NLGN1: variants seen among roughly 807,000 people sequenced by gnomAD.
NLGN1 encodes the protein neuroligin 1, also known as neuroligin-1.
In NLGN1, 12 loss-of-function variants were observed where a neutral mutation model predicts 65.5. That is an observed-to-expected ratio of 0.18 (90% confidence interval 0.12 to 0.30). NLGN1 has a LOEUF of 0.30. Ranked by LOEUF, NLGN1 falls within the 10% of genes least tolerant of loss-of-function variation. The pLI, the probability that NLGN1 is intolerant of heterozygous loss-of-function variation, is 1.00. For missense variants in NLGN1, 750 were observed against 1,007.1 expected (o/e 0.74, Z 3.46); for synonymous variants, 350 against 359.5 (o/e 0.97, Z 0.30).
chr3:173,828,118 T>A (rs865895262), intron 4 of NLGN1, among the ~76,000 whole-genome samples: 1 of 152,166 alleles, frequency 6.6e-6, no homozygotes, highest in African/African-American at 2.4e-5. Context: ...GGATATTTTA[T>A]AATTTTCATA....
chr3:173,808,733 A>G (rs1214021922), intron 4 of NLGN1, among the ~76,000 whole-genome samples: 1 of 152,158 alleles, frequency 6.6e-6, no homozygotes, highest in Non-Finnish European at 1.5e-5. Context: ...CTTATCCCAT[A>G]CTATAGACTT....
intron 4 of NLGN1, among the ~76,000 whole-genome samples, chr3:173,841,474 G>T (rs1234288942): frequency 6.6e-6 from 1 of 152,112 alleles, no homozygotes; most frequent in Non-Finnish European, 1.5e-5. Flanking sequence ...ATTTGTGTTT[G>T]TTGATTTAAG....
intron 4 of NLGN1, among the ~76,000 whole-genome samples, chr3:173,888,910 A>G (rs998592778): frequency 4.6e-5 from 7 of 152,136 alleles, no homozygotes; most frequent in Non-Finnish European, 1.5e-5. Context: ...CAAGACATGC[A>G]CAAAGACAGA....
At chr3:173,732,507 G>A (rs763911643) in intron 3 of NLGN1, among the ~76,000 whole-genome samples, 2 of 152,102 alleles carry the variant, frequency 1.3e-5, no homozygotes, top group Non-Finnish European at 2.9e-5. Context: ...ATGTAACAGG[G>A]ACACTTTGCG....
chr3:174,073,208 AAC>A (rs1307325986), intron 4 of NLGN1, among the ~76,000 whole-genome samples: 2 of 152,154 alleles, frequency 1.3e-5, no homozygotes, highest in Non-Finnish European at 2.9e-5. Context: ...CAAGTGAAGA[AAC>A]AGAATGAAGT....
intron 3 of NLGN1, among the ~76,000 whole-genome samples, chr3:173,654,530 G>T (rs1306787625): frequency 3.9e-5 from 6 of 152,060 alleles, no homozygotes; most frequent in African/African-American, 1.4e-4. Flanking sequence ...CCTATAAAAA[G>T]TAGGGATTAC....
chr3:174,214,170 G>T lies in NLGN1; in HGVS notation c.647-61145G>T, dbSNP rs140683402. 2.4e-3 allele frequency among the ~76,000 whole-genome samples: 360 copies of T among 152,132 alleles called. 1 individual carries two copies. The highest frequency in any genetic ancestry group is 4.2e-3 in the Non-Finnish European group (287 of 67,968). ...TACAGCCAATACTATAAATTGTGTTGCAATTTTGCAACACAAATCAGAGAG... is the reference window on the plus strand; with the variant it reads ...TACAGCCAATACTATAAATTGTGTTTCAATTTTGCAACACAAATCAGAGAG... On this transcript the variant is annotated intron_variant, in intron 4 of 6. Transcript: ENST00000457714.
chr3:174,228,812 C>T (rs1345826841), intron 4 of NLGN1, among the ~76,000 whole-genome samples: 2 of 151,986 alleles, frequency 1.3e-5, no homozygotes, highest in Non-Finnish European at 2.9e-5. Context: ...TATTAGGTTT[C>T]TGTGGGAACC....
chr3:173,513,941 T>A (rs907475838), intron 2 of NLGN1, among the ~76,000 whole-genome samples: 3 of 152,072 alleles, frequency 2.0e-5, no homozygotes, highest in African/African-American at 7.2e-5. Context: ...GGCAGTAGAA[T>A]CGTTTGAACC....
At chr3:173,750,660 A>G (rs1408636521) in intron 3 of NLGN1, among the ~76,000 whole-genome samples, 1 of 152,040 alleles carries the variant, frequency 6.6e-6, no homozygotes, top group African/African-American at 2.4e-5. Context: ...TATGCACACT[A>G]ATTATTGTTG....
At chr3:174,088,281 A>T (rs1342551282) in intron 4 of NLGN1, among the ~76,000 whole-genome samples, 1 of 152,166 alleles carries the variant, frequency 6.6e-6, no homozygotes, top group African/African-American at 2.4e-5. Context: ...AGCAAGTGAC[A>T]ATAAAAAGGA....
intron 3 of NLGN1, among the ~76,000 whole-genome samples, chr3:173,689,141 A>G (rs1424767091): frequency 6.6e-6 from 1 of 152,166 alleles, no homozygotes; most frequent in Non-Finnish European, 1.5e-5. Context: ...CCTCTAAAGT[A>G]TTCCTCTAGA....
chr3:173,807,932 T>A, intron 4 of NLGN1, 100 bp downstream of exon 4: 4 of 1,237,844 alleles, frequency 3.2e-6, no homozygotes, highest in Non-Finnish European at 4.6e-6. Flanking sequence ...TTCACCCATT[T>A]TTTTATGCGT....
intron 4 of NLGN1, among the ~76,000 whole-genome samples, chr3:173,971,935 T>C (rs1433451464): frequency 1.3e-5 from 2 of 151,732 alleles, no homozygotes; most frequent in East Asian, 2.0e-4. Flanking sequence ...AGTAATGAGA[T>C]AAAGAAGACT....
intron 3 of NLGN1, among the ~76,000 whole-genome samples, chr3:173,771,093 G>C (rs1370816146): frequency 6.6e-6 from 1 of 152,054 alleles, no homozygotes; most frequent in Non-Finnish European, 1.5e-5. Flanking sequence ...TCTTCACTGA[G>C]ACCTCACAGA....
intron 4 of NLGN1, among the ~76,000 whole-genome samples, chr3:173,987,709 A>G (rs1053218739): frequency 6.6e-6 from 1 of 152,194 alleles, no homozygotes; most frequent in African/African-American, 2.4e-5. Context: ...GTGCAAAGGC[A>G]ATGCCTAAAC....
chr3:173,587,185 T>G (rs1747613386), intron 2 of NLGN1, among the ~76,000 whole-genome samples: 1 of 152,228 alleles, frequency 6.6e-6, no homozygotes, highest in South Asian at 2.1e-4. Flanking sequence ...GCCTTTGTAG[T>G]GCCTGGAAAA....
intron 4 of NLGN1, among the ~76,000 whole-genome samples, chr3:174,265,930 GTGTATATA>G (rs1418272087): frequency 8.1e-5 from 11 of 136,476 alleles, no homozygotes; most frequent in African/African-American, 2.4e-4. Context: ...ATGTATATAT[GTGTATATA>G]TGTATATATG....
intron 3 of NLGN1, among the ~76,000 whole-genome samples, chr3:173,723,393 A>G (rs1009379754): frequency 1.3e-5 from 2 of 152,208 alleles, no homozygotes; most frequent in Non-Finnish European, 2.9e-5. Context: ...TTATCTAAAA[A>G]GTTTATTTAG....
Sources: allele counts gnomAD v4.1 joint callset (sites outside exome capture counted in the v4.1 genomes callset), GRCh38; gene constraint gnomAD v4.1.1; transcripts MANE v1.5; gene names NCBI Gene and HGNC (gene_info 2026-07-23, HGNC 2026-07-21).